Variants in PLEKHM3 observed in about 807,000 individuals in gnomAD.
The protein encoded by PLEKHM3 is pleckstrin homology domain containing M3.
Under a neutral mutation model 81.8 loss-of-function variants are expected in PLEKHM3, and 45 were observed. That is an observed-to-expected ratio of 0.55 (90% CI 0.43 to 0.71). The LOEUF is 0.71. Among genes scored for constraint, PLEKHM3 ranks in the 30% least tolerant of loss-of-function variants. The pLI, the probability that PLEKHM3 is intolerant of heterozygous loss-of-function variation, is 0.00. For synonymous variants in PLEKHM3, 352 were observed against 356.4 expected (o/e 0.99, Z 0.14); for missense variants, 788 against 924.3 (o/e 0.85, Z 1.91).
At chr2:207,850,391 C>T (rs992172217) in intron 7 of PLEKHM3, among the ~76,000 whole-genome samples, 2 of 152,154 alleles carry the variant, frequency 1.3e-5, no homozygotes, top group Non-Finnish European at 2.9e-5. Flanking sequence ...TCTTTAAGTA[C>T]AATGTTCTTC....
intron 6 of PLEKHM3, among the ~76,000 whole-genome samples, chr2:207,888,400 G>C (rs1190099614): frequency 2.0e-5 from 3 of 151,272 alleles, no homozygotes; most frequent in Non-Finnish European, 4.4e-5. Context: ...CTTTACTCTA[G>C]TTCTTTTTTT....
intron 6 of PLEKHM3, among the ~76,000 whole-genome samples, chr2:207,907,189 T>G (rs1688637451): frequency 6.6e-6 from 1 of 152,216 alleles, no homozygotes; most frequent in South Asian, 2.1e-4. Context: ...TCCTAGCTGC[T>G]AATCTGGTTA....
At chr2:207,981,757 T>C (rs1369825993) in intron 2 of PLEKHM3, among the ~76,000 whole-genome samples, 1 of 152,256 alleles carries the variant, frequency 6.6e-6, no homozygotes, top group Non-Finnish European at 1.5e-5. Flanking sequence ...GGCCATATCA[T>C]ATCAACTCAT....
chr2:207,871,019 G>A (rs2092531184), intron 6 of PLEKHM3, among the ~76,000 whole-genome samples: 1 of 152,070 alleles, frequency 6.6e-6, no homozygotes, highest in Non-Finnish European at 1.5e-5. Context: ...GAGGTGGGAG[G>A]ATCCCTTGAG....
intron 7 of PLEKHM3, among the ~76,000 whole-genome samples, chr2:207,841,448 C>CAAAAAAA (rs1206603074): frequency 9.3e-5 from 2 of 21,488 alleles, no homozygotes; most frequent in Non-Finnish European, 1.5e-4. Context: ...GACTCCATCT[C>CAAAAAAA]AAAAAAAAAA....
intron 7 of PLEKHM3, chr2:207,852,670 G>A (rs535246645): frequency 5.0e-4 from 185 of 367,498 alleles, no homozygotes; most frequent in Non-Finnish European, 7.4e-4. Flanking sequence ...CATACAGAGG[G>A]AACAACAGAC....
At chr2:207,981,670 G>C (rs1020521370) in intron 2 of PLEKHM3, among the ~76,000 whole-genome samples, 1 of 152,018 alleles carries the variant, frequency 6.6e-6, no homozygotes, top group African/African-American at 2.4e-5. Flanking sequence ...TAATATTTTT[G>C]CTACTGACAA....
intron 1 of PLEKHM3, among the ~76,000 whole-genome samples, chr2:208,024,954 G>T (rs2106140228): frequency 6.6e-6 from 1 of 152,282 alleles, no homozygotes; most frequent in Non-Finnish European, 1.5e-5. Context: ...AACCATGCTT[G>T]TCATCAGTCA....
At chr2:207,844,375 T>C (rs1452312124) in intron 7 of PLEKHM3, among the ~76,000 whole-genome samples, 2 of 149,676 alleles carry the variant, frequency 1.3e-5, no homozygotes, top group African/African-American at 4.9e-5. Context: ...CGATCTCGGC[T>C]CACTGCAAGC....
At chr2:207,855,762 T>C (rs984105186) in intron 7 of PLEKHM3, among the ~76,000 whole-genome samples, 7 of 152,104 alleles carry the variant, frequency 4.6e-5, no homozygotes, top group African/African-American at 1.7e-4. Context: ...TTCTATAAAA[T>C]ACTGACCAGT....
chr2:207,947,541 C>T (rs1055398016), intron 3 of PLEKHM3, among the ~76,000 whole-genome samples: 4 of 152,220 alleles, frequency 2.6e-5, no homozygotes, highest in African/African-American at 9.6e-5. Context: ...ATCAAGAATA[C>T]ACAAACAGCA....
At chr2:207,950,006 T>G (rs1361827595) in intron 3 of PLEKHM3, among the ~76,000 whole-genome samples, 1 of 152,240 alleles carries the variant, frequency 6.6e-6, no homozygotes, top group Non-Finnish European at 1.5e-5. Context: ...AAGCTCACCA[T>G]GCTGGGGGAT....
At chr2:207,990,377 A>G (rs1176602440) in intron 2 of PLEKHM3, among the ~76,000 whole-genome samples, 1 of 152,056 alleles carries the variant, frequency 6.6e-6, no homozygotes, top group Admixed American at 6.6e-5. Flanking sequence ...TTTGTGCTCA[A>G]TCCTCAAAGC....
chr2:207,973,903 G>A (rs1459216877), intron 3 of PLEKHM3, among the ~76,000 whole-genome samples: 1 of 151,742 alleles, frequency 6.6e-6, no homozygotes, highest in African/African-American at 2.4e-5. Flanking sequence ...TTTTTGGAAT[G>A]TGCCACACTA....
intron 6 of PLEKHM3, among the ~76,000 whole-genome samples, chr2:207,878,318 A>C (rs1171701160): frequency 6.6e-6 from 1 of 151,990 alleles, no homozygotes; most frequent in Middle Eastern, 3.4e-3. Flanking sequence ...AAAAAAAACT[A>C]TTATTTCTGG....
intron 6 of PLEKHM3, among the ~76,000 whole-genome samples, chr2:207,876,716 CCAAT>C (rs1226481728): frequency 2.0e-5 from 3 of 152,162 alleles, no homozygotes; most frequent in African/African-American, 4.8e-5. Flanking sequence ...ACTTAAGTAA[CCAAT>C]CAGTTAGGAC....
intron 3 of PLEKHM3, among the ~76,000 whole-genome samples, chr2:207,947,943 C>A (rs1690190095): frequency 6.6e-6 from 1 of 152,128 alleles, no homozygotes; most frequent in African/African-American, 2.4e-5. Flanking sequence ...CCCAGTGCAT[C>A]CTCTAGAAAG....
chr2:208,000,933 C>T, intron 2 of PLEKHM3, 97 bp downstream of exon 2: 2 of 1,136,154 alleles, frequency 1.8e-6, no homozygotes. Flanking sequence ...AACAATGATT[C>T]AGTAGAAGTC....
chr2:207,990,834 G>A (rs187587708), intron 2 of PLEKHM3, among the ~76,000 whole-genome samples: 1 of 152,222 alleles, frequency 6.6e-6, no homozygotes, highest in African/African-American at 2.4e-5. Flanking sequence ...TTCTTTTTGG[G>A]TAAAAAGAGG....
Sources: allele counts gnomAD v4.1 joint callset (sites outside exome capture counted in the v4.1 genomes callset), GRCh38; gene constraint gnomAD v4.1.1; transcripts MANE v1.5; gene names NCBI Gene and HGNC (gene_info 2026-07-23, HGNC 2026-07-21).